Variants in PTPRT observed in about 807,000 individuals in gnomAD.
PTPRT encodes the protein receptor-type tyrosine-protein phosphatase T.
A neutral mutation model predicts 176.8 loss-of-function variants in PTPRT; 56 were observed. The ratio of observed to expected loss-of-function variants is 0.32; its 90% CI spans 0.26 to 0.40. The LOEUF (loss-of-function observed/expected upper bound fraction) is 0.40. Among genes scored for constraint, PTPRT ranks in the 10% least tolerant of loss-of-function variants. PTPRT has a pLI of 1.00. For missense variants in PTPRT, 1,540 were observed against 1,908.2 expected (o/e 0.81, Z 3.60); for synonymous variants, 783 against 739.0 (o/e 1.06, Z -0.96).
At chr20:43,167,246 A>G (rs909779167) in intron 1 of PTPRT, among the ~76,000 whole-genome samples, 1 of 152,252 alleles carries the variant, frequency 6.6e-6, no homozygotes, top group African/African-American at 2.4e-5. Context: ...ACATACAGCA[A>G]CAAAGAAAGG....
intron 9 of PTPRT, among the ~76,000 whole-genome samples, chr20:42,372,329 G>A (rs1898097583): frequency 7.2e-6 from 1 of 139,290 alleles, no homozygotes; most frequent in Non-Finnish European, 1.5e-5. Context: ...TGTCACCAAG[G>A]CTGGAGGGCA....
At chr20:42,178,794 T>C (rs1990399174) in intron 16 of PTPRT, among the ~76,000 whole-genome samples, 2 of 152,282 alleles carry the variant, frequency 1.3e-5, no homozygotes, top group East Asian at 3.9e-4. Context: ...CATTTTTTCA[T>C]GGGCTACTGC....
chr20:42,578,750 C>G (rs1345585604), intron 7 of PTPRT, among the ~76,000 whole-genome samples: 3 of 152,158 alleles, frequency 2.0e-5, no homozygotes, highest in African/African-American at 7.2e-5. Flanking sequence ...CTCCTACAGT[C>G]TATTCTCAGC....
chr20:42,438,378 T>C (rs1051311912), intron 9 of PTPRT, among the ~76,000 whole-genome samples: 4 of 152,150 alleles, frequency 2.6e-5, no homozygotes, highest in Non-Finnish European at 5.9e-5. Flanking sequence ...GAAAGAAAGT[T>C]TCTCCCCTGG....
chr20:42,242,501 G>C (rs1167771591), intron 14 of PTPRT, among the ~76,000 whole-genome samples: 1 of 152,198 alleles, frequency 6.6e-6, no homozygotes, highest in South Asian at 2.1e-4. Context: ...TCTAGATGGT[G>C]AAGAGATTCT....
At chr20:42,229,961 C>A (rs968437204) in intron 15 of PTPRT, among the ~76,000 whole-genome samples, 3 of 152,050 alleles carry the variant, frequency 2.0e-5, no homozygotes, top group Non-Finnish European at 4.4e-5. Context: ...CAGGCACTTA[C>A]TGGGGTTCAC....
intron 27 of PTPRT, among the ~76,000 whole-genome samples, chr20:42,091,380 G>A (rs1984602794): frequency 1.3e-5 from 2 of 152,154 alleles, no homozygotes; most frequent in African/African-American, 2.4e-5. Flanking sequence ...AACATGCTCC[G>A]ATGAGTTGAA....
intron 8 of PTPRT, among the ~76,000 whole-genome samples, chr20:42,448,683 G>A (rs1251254600): frequency 2.0e-5 from 3 of 152,050 alleles, no homozygotes; most frequent in Admixed American, 6.6e-5. Context: ...GAACTGAACC[G>A]GATAAGGGCA....
intron 9 of PTPRT, among the ~76,000 whole-genome samples, chr20:42,377,815 G>A (rs975646347): frequency 1.3e-5 from 2 of 152,196 alleles, no homozygotes; most frequent in South Asian, 2.1e-4. Context: ...AAAAGTGAAG[G>A]AAGAGAAAGA....
chr20:42,306,632 G>A (rs547005781), intron 12 of PTPRT, among the ~76,000 whole-genome samples: 172 of 152,242 alleles, frequency 1.1e-3, no homozygotes, highest in South Asian at 5.2e-3. Flanking sequence ...GTCAGCAAAC[G>A]GTTACGTGGG....
chr20:42,573,749 C>CTTTTT (rs150938657), intron 7 of PTPRT, among the ~76,000 whole-genome samples: 1,382 of 112,442 alleles, frequency 0.012, 52 homozygotes, highest in African/African-American at 0.037. Context: ...TTCTTTCTTT[C>CTTTTT]TTTTTTTTTT....
At chr20:42,574,636 G>A (rs2073223540) in intron 7 of PTPRT, among the ~76,000 whole-genome samples, 1 of 152,164 alleles carries the variant, frequency 6.6e-6, no homozygotes, top group Non-Finnish European at 1.5e-5. Flanking sequence ...AGGCTCGGGT[G>A]GACAGAAAGG....
intron 7 of PTPRT, among the ~76,000 whole-genome samples, chr20:42,496,595 G>A (rs1016405340): frequency 1.3e-5 from 2 of 150,448 alleles, no homozygotes; most frequent in Non-Finnish European, 3.0e-5. Context: ...ATTAGCTCCT[G>A]AATTTCTCCA....
At chr20:42,482,968 G>C (rs2071411506) in intron 7 of PTPRT, among the ~76,000 whole-genome samples, 1 of 152,068 alleles carries the variant, frequency 6.6e-6, no homozygotes, top group African/African-American at 2.4e-5. Context: ...TAACCAAATT[G>C]CATGTGTTTT....
At chr20:42,783,757 G>A (rs1394701928) in intron 3 of PTPRT, among the ~76,000 whole-genome samples, 2 of 152,122 alleles carry the variant, frequency 1.3e-5, no homozygotes, top group Non-Finnish European at 1.5e-5. Flanking sequence ...ATTCAACCAC[G>A]GCCCTTGAGG....
the PTPRT span, among the ~76,000 whole-genome samples, chr20:42,039,692 G>GTATATATATATATATATATATATA: frequency 0.029 from 3,279 of 112,842 alleles, 252 homozygotes; most frequent in Non-Finnish European, 0.044. Flanking sequence ...ATTCTGTTGT[G>GTATATATATATATATATATATATA]TATATATATA....
chr20:42,345,151 A>G (rs565499443), intron 11 of PTPRT, among the ~76,000 whole-genome samples: 1 of 152,174 alleles, frequency 6.6e-6, no homozygotes, highest in East Asian at 1.9e-4. Flanking sequence ...AATGGCAGTC[A>G]GTAGCCACAT....
intron 2 of PTPRT, among the ~76,000 whole-genome samples, chr20:42,855,983 A>C (rs1193268371): frequency 1.3e-5 from 2 of 152,106 alleles, no homozygotes; most frequent in African/African-American, 2.4e-5. Flanking sequence ...AGACAAGAAA[A>C]TGAATGGGTT....
At chr20:42,977,441 T>C (rs1259591980) in intron 1 of PTPRT, among the ~76,000 whole-genome samples, 1 of 152,228 alleles carries the variant, frequency 6.6e-6, no homozygotes, top group African/African-American at 2.4e-5. Context: ...TATCACTTAT[T>C]ACACTTTCCA....
Sources: gnomAD v4.1 joint callset for allele counts (sites outside exome capture counted in the v4.1 genomes callset) on GRCh38, gnomAD v4.1.1 for gene constraint, MANE v1.5 for transcripts, NCBI Gene and HGNC (gene_info 2026-07-23, HGNC 2026-07-21) for gene names.